Variants in GSE1 observed in about 807,000 individuals in gnomAD.
GSE1 encodes the protein genetic suppressor element 1.
Under a neutral mutation model 112.6 loss-of-function variants are expected in GSE1, and 32 were observed. That is an observed-to-expected ratio of 0.28 (90% CI 0.21 to 0.38). GSE1 has a LOEUF of 0.38. GSE1 is among the 10% of genes least tolerant of loss of function. GSE1 has a pLI of 1.00. For synonymous variants in GSE1, 1,115 were observed against 735.6 expected (o/e 1.52, Z -8.35); for missense variants, 2,348 against 1,699.2 (o/e 1.38, Z -6.71).
At chr16:85,179,620 G>T (rs2074540583) in intron 1 of GSE1, among the ~76,000 whole-genome samples, 1 of 152,166 alleles carries the variant, frequency 6.6e-6, no homozygotes, top group African/African-American at 2.4e-5. Flanking sequence ...CTTAGGTTTG[G>T]AAAAGTCATA....
chr16:85,227,722 G>A (rs1422051470), intron 1 of GSE1, among the ~76,000 whole-genome samples: 4 of 152,306 alleles, frequency 2.6e-5, no homozygotes, highest in African/African-American at 4.8e-5. Context: ...CAGGGCAGCC[G>A]CAGGCTCTGG....
intron 2 of GSE1, among the ~76,000 whole-genome samples, chr16:85,635,615 C>G (rs1408765155): frequency 1.3e-5 from 2 of 152,222 alleles, no homozygotes; most frequent in Non-Finnish European, 2.9e-5. Context: ...GAGGTCAGAG[C>G]TGGCCCAGCT....
intron 1 of GSE1, among the ~76,000 whole-genome samples, chr16:85,243,437 T>C (rs1279674632): frequency 2.0e-5 from 3 of 152,224 alleles, no homozygotes; most frequent in African/African-American, 7.2e-5. Flanking sequence ...CTGCTGAAAC[T>C]GTGTCCCTGG....
intron 1 of GSE1, among the ~76,000 whole-genome samples, chr16:85,601,866 C>T (rs1368354575): frequency 2.6e-5 from 4 of 152,118 alleles, no homozygotes; most frequent in East Asian, 1.9e-4. Context: ...CCTCTGTCTG[C>T]GTGCATCGCT....
chr16:85,488,936 C>T (rs2050925270), intron 2 of GSE1, among the ~76,000 whole-genome samples: 1 of 152,120 alleles, frequency 6.6e-6, no homozygotes, highest in Non-Finnish European at 1.5e-5. Flanking sequence ...GGGCCATCAA[C>T]AGCCCTGGCC....
chr16:85,654,833 C>T lies in GSE1; in HGVS notation c.639C>T (p.Thr213=), dbSNP rs144226545. 4.5e-5 allele frequency: 73 copies of T among 1,612,022 alleles called. No individual in the cohort carries two copies. In the Admixed American group the frequency reaches 6.3e-4, roughly 14 times the overall value. ...RPVHHVVPPS[T]VTEDYLRSFR... ...TGCACCACGTGGTGCCCCCCAGTAC[C>T]GTGACCGAGGACTACCTGAGAAGCT... Residue 213 remains threonine (T), a synonymous_variant, in exon 5 of 16, where the codon ACC becomes ACT. Coordinates refer to ENST00000253458, the MANE Select transcript of GSE1 (RefSeq NM_014615.5).
At chr16:85,503,920 C>T (rs1010419183) in intron 2 of GSE1, among the ~76,000 whole-genome samples, 1 of 152,218 alleles carries the variant, frequency 6.6e-6, no homozygotes, top group African/African-American at 2.4e-5. Context: ...TTAATTAGGA[C>T]CGGCAGTGCG....
chr16:85,586,024 G>A (rs2046673773), intron 1 of GSE1, among the ~76,000 whole-genome samples: 1 of 152,188 alleles, frequency 6.6e-6, no homozygotes, highest in South Asian at 2.1e-4. Flanking sequence ...CCCCAAGGCT[G>A]GCTCCCTTTG....
chr16:85,348,871 C>T (rs1205237742), intron 1 of GSE1, among the ~76,000 whole-genome samples: 1 of 152,126 alleles, frequency 6.6e-6, no homozygotes, highest in Non-Finnish European at 1.5e-5. Context: ...GTTGTCCTCC[C>T]TCCCTCCAGC....
At chr16:85,664,976 T>G in intron 11 of GSE1, 39 bp from the exon 12 acceptor site, 7 of 1,281,752 alleles carry the variant, frequency 5.5e-6, no homozygotes, top group Non-Finnish European at 8.0e-6. Context: ...CAAAAAATGA[T>G]GCAACTGGCT....
intron 2 of GSE1, among the ~76,000 whole-genome samples, chr16:85,436,778 G>A (rs1228008047): frequency 2.0e-5 from 3 of 152,230 alleles, no homozygotes; most frequent in Admixed American, 6.5e-5. Context: ...GCCTGGTTCC[G>A]GGCTGGGACC....
intron 2 of GSE1, among the ~76,000 whole-genome samples, chr16:85,413,451 G>A (rs538856756): frequency 4.6e-5 from 7 of 152,116 alleles, no homozygotes; most frequent in Admixed American, 3.9e-4. Context: ...CCGGGTGACC[G>A]TGGAGCACCA....
At chr16:85,303,862 G>T (rs2045592438) in intron 1 of GSE1, among the ~76,000 whole-genome samples, 1 of 152,246 alleles carries the variant, frequency 6.6e-6, no homozygotes, top group Non-Finnish European at 1.5e-5. Context: ...GCTGGGAATC[G>T]CCTGGCAGTG....
At chr16:85,614,437 C>G (rs1052820365) in intron 1 of GSE1, among the ~76,000 whole-genome samples, 1 of 152,242 alleles carries the variant, frequency 6.6e-6, no homozygotes, top group South Asian at 2.1e-4. Context: ...CCCTCCCCAG[C>G]GCCGGGTGGG....
rs28503218 is a variant in GSE1 at position 85,295,732 on chromosome 16, G to A, written c.2284-61731G>A. On this transcript the variant is annotated intron_variant, in intron 1 of 2. Transcript: ENST00000637419. ...GCAACACTGGTAGAAAACACACATCGATCCTTTTTCCCATGGACAACTGGC... is the reference window on the plus strand; with the variant it reads ...GCAACACTGGTAGAAAACACACATCAATCCTTTTTCCCATGGACAACTGGC... Among the ~76,000 whole-genome samples, 621 of 151,868 alleles carry A rather than the reference G, an allele frequency of 4.1e-3. 1 individual carries two copies. Among genetic ancestry groups the A allele is most frequent in the African/African-American group, 0.014 (596 of 41,394 alleles).
intron 2 of GSE1, among the ~76,000 whole-genome samples, chr16:85,479,418 C>G (rs370609383): frequency 6.6e-6 from 1 of 151,914 alleles, no homozygotes; most frequent in South Asian, 2.1e-4. Context: ...ATCTGCACGT[C>G]TCAGCCTCCC....
At chr16:85,320,923 T>C (rs943864499) in intron 1 of GSE1, among the ~76,000 whole-genome samples, 2 of 152,140 alleles carry the variant, frequency 1.3e-5, no homozygotes. Context: ...GCTCCCTTCC[T>C]CACTTCTTCT....
At chr16:85,209,924 G>A (rs1472677206) in intron 1 of GSE1, among the ~76,000 whole-genome samples, 1 of 152,186 alleles carries the variant, frequency 6.6e-6, no homozygotes, top group African/African-American at 2.4e-5. Context: ...TACCTCCAGG[G>A]GTGCTGTGAT....
exon 1 of GSE1, chr16:85,170,191 C>G (rs2074336367): frequency 1.0e-6 from 1 of 985,148 alleles, no homozygotes; most frequent in African/African-American, 1.7e-5. Flanking sequence ...CGCTCCGGGA[C>G]AGGGCGCAGA....
Sources: allele counts gnomAD v4.1 joint callset (sites outside exome capture counted in the v4.1 genomes callset), GRCh38; gene constraint gnomAD v4.1.1; transcripts MANE v1.5; gene names NCBI Gene and HGNC (gene_info 2026-07-23, HGNC 2026-07-21).